RNASEL: variants seen among roughly 807,000 people sequenced by gnomAD.
RNASEL encodes the protein 2-5A-dependent ribonuclease.
In RNASEL, 36 loss-of-function variants were observed where a neutral mutation model predicts 50.9. The observed-to-expected ratio is 0.71, with a 90% CI of 0.54 to 0.93. The LOEUF (loss-of-function observed/expected upper bound fraction) is 0.93, where lower values mean the gene tolerates loss of function less well. Ranked by LOEUF, RNASEL falls within the 40% of genes least tolerant of loss-of-function variation. The pLI is 0.00. For synonymous variants in RNASEL, 335 were observed against 335.6 expected (o/e 1.00, Z 0.02); for missense variants, 860 against 894.5 (o/e 0.96, Z 0.49).
rs766504022 is a variant in RNASEL at position 182,581,316 on chromosome 1, A to G, written c.1814T>C (p.Ile605Thr). The change falls in exon 5 of 7, where the codon ATC becomes ACC. Residue 605 changes from isoleucine to threonine, a missense_variant. Ile to Thr is a moderately conservative substitution (Grantham distance 89). Coordinates refer to ENST00000367559, the MANE Select transcript of RNASEL (RefSeq NM_021133.4). The stretch of plus-strand genomic sequence containing the variant: ...CTCACTTTCAGATTTTCGTGTTTTG[A>G]TGTCGGATTCATTTCCCACATTCCG... ...TLRNVGNESD[I>T]KTRKSESEIL... 12 of 1,613,872 alleles carry G rather than the reference A, an allele frequency of 7.4e-6. No homozygotes were observed. Among genetic ancestry groups the G allele is most frequent in the Non-Finnish European group, 1.0e-5 (12 of 1,180,018 alleles).
rs142399625 is a variant in RNASEL, at chr1:182,588,920, C to G, written c.-165+247G>C. On this transcript the variant is annotated intron_variant, in intron 1 of 6. Transcript: ENST00000367559. The stretch of plus-strand genomic sequence containing the variant: ...AATCCTGCTTTCAATTTCACTTTCT[C>G]TGTGCGACCTGAGTAAGTCGCAAAG... 1.3e-4 allele frequency among the ~76,000 whole-genome samples: 20 copies of G among 152,322 alleles called. No individual in the cohort carries two copies. The East Asian group carries it at 3.9e-3, about 29-fold the overall frequency.
At chr1:182,588,471 A>G (rs1186915029) in intron 1 of RNASEL, among the ~76,000 whole-genome samples, 3 of 152,236 alleles carry the variant, frequency 2.0e-5, no homozygotes, top group Admixed American at 2.0e-4. Flanking sequence ...GCATATAGCT[A>G]CTACACGAAT....
intron 5 of RNASEL, chr1:182,578,460 A>T (rs1332453166): frequency 6.6e-6 from 1 of 152,364 alleles, no homozygotes; most frequent in East Asian, 1.9e-4. Flanking sequence ...ACTATTAAAA[A>T]GTCAAAAAGT....
chr1:182,585,133 G>A (rs1193418641), intron 2 of RNASEL, among the ~76,000 whole-genome samples, 194 bp downstream of exon 2: 1 of 152,224 alleles, frequency 6.6e-6, no homozygotes, highest in African/African-American at 2.4e-5. Flanking sequence ...CAACCTTCAT[G>A]TAGACTAACA....
intron 5 of RNASEL, chr1:182,579,490 A>T: frequency 9.3e-7 from 1 of 1,071,638 alleles, no homozygotes; most frequent in Non-Finnish European, 1.1e-6. Context: ...CTCTGTGCAG[A>T]ACACCCGTGA....
chr1:182,580,340 G>A (rs1319085848), intron 5 of RNASEL, among the ~76,000 whole-genome samples: 2 of 152,316 alleles, frequency 1.3e-5, no homozygotes, highest in Admixed American at 1.3e-4. Flanking sequence ...AGTGTGATGT[G>A]CAGTCTAGAG....
rs1661581493 is a variant in RNASEL, at chr1:182,585,742, G to A, written c.1065C>T (p.Arg355=). The change falls in exon 2 of 7, where the codon CGC becomes CGT. Residue 355 remains arginine, a synonymous_variant. Transcript: ENST00000367559. ...AGAACTTGAGTTTGCCAATCATAGGGCGGTATATTCTGTGGAGATCCTTCA... is the reference window on the plus strand; with the variant it reads ...AGAACTTGAGTTTGCCAATCATAGGACGGTATATTCTGTGGAGATCCTTCA... The part of the protein sequence containing the change: ...AALKDLHRIY[R]PMIGKLKFFI... The A allele has an allele frequency of 6.2e-7, 1 of 1,614,020 alleles. No homozygotes were observed. Among genetic ancestry groups the A allele is most frequent in the Non-Finnish European group, 8.5e-7 (1 of 1,180,026 alleles).
chr1:182,585,776 C>T lies in RNASEL; in HGVS notation c.1031G>A (p.Gly344Glu), dbSNP rs765668595. The change falls in exon 2 of 7, where the codon GGG becomes GAG. Residue 344 changes from glycine (G) to glutamate (E), a missense_variant. Transcript: ENST00000367559. ...TCTGTGGAGATCCTTCAGGGCTGCC[C>T]CCCAGTGTGAGCTCTGAGGCTTCCA... Reference protein sequence around the residue: ...EDWKPQSSHWGAALKDLHRIY... With the variant: ...EDWKPQSSHWEAALKDLHRIY... 3 of 1,614,044 alleles carry T rather than the reference C, an allele frequency of 1.9e-6. No homozygotes were observed. The highest frequency in any genetic ancestry group is 2.2e-5 in the South Asian group (2 of 91,082).
chr1:182,576,398 A>T lies in RNASEL; in HGVS notation c.1906-9T>A. The stretch of plus-strand genomic sequence containing the variant: ...ATAACACATTCATTAATCTAAAAAA[A>T]CAAAAAATAACACAAAAATGTGGTA... On this transcript the variant is annotated splice_polypyrimidine_tract_variant and intron_variant, in intron 5 of 6. Transcript: ENST00000367559. 1.3e-6 allele frequency: 2 copies of T among 1,544,898 alleles called. No individual in the cohort carries two copies. The highest frequency in any genetic ancestry group is 1.8e-6 in the Non-Finnish European group (2 of 1,122,718).
intron 3 of RNASEL, among the ~76,000 whole-genome samples, chr1:182,583,230 A>G (rs1423246934): frequency 6.6e-6 from 1 of 152,192 alleles, no homozygotes; most frequent in Non-Finnish European, 1.5e-5. Context: ...TAGTGGAGGA[A>G]GAGAGATTCA....
intron 5 of RNASEL, chr1:182,579,552 C>T (rs1443755853): frequency 8.8e-7 from 1 of 1,134,232 alleles, no homozygotes; most frequent in Non-Finnish European, 1.1e-6. Context: ...AGAACCAATA[C>T]AGTCATACAA....
chr1:182,579,963 C>T (rs1183291084), intron 5 of RNASEL: 11 of 457,142 alleles, frequency 2.4e-5, no homozygotes, highest in African/African-American at 4.0e-5. Flanking sequence ...CTTACTGGTT[C>T]TGTGTAGTTG....
intron 3 of RNASEL, 77 bp from the exon 4 acceptor site, chr1:182,582,335 T>C: frequency 6.5e-7 from 1 of 1,528,794 alleles, no homozygotes; most frequent in South Asian, 1.1e-5. Flanking sequence ...GTGCACGCTA[T>C]TAGCAAACAA....
chr1:182,584,636 A>T (rs1036499521), intron 2 of RNASEL, among the ~76,000 whole-genome samples: 2 of 152,166 alleles, frequency 1.3e-5, no homozygotes, highest in Non-Finnish European at 2.9e-5. Context: ...AGACCTCATA[A>T]CAAACTTACG....
chr1:182,576,488 T>G, intron 5 of RNASEL, 99 bp from the exon 6 acceptor site: 5 of 897,754 alleles, frequency 5.6e-6, no homozygotes, highest in Non-Finnish European at 8.6e-6. Context: ...TTGAATATAT[T>G]CATATATTCT....
At chr1:182,584,049 A>C in intron 3 of RNASEL, 32 bp downstream of exon 3, 1 of 1,515,840 alleles carries the variant, frequency 6.6e-7, no homozygotes, top group Non-Finnish European at 9.2e-7. Context: ...GGAAGCAGAA[A>C]GAAGAAAGGT....
In RNASEL at chr1:182,586,184, T is replaced by G; in HGVS notation, c.623A>C (p.His208Pro). 6.2e-7 allele frequency: 1 copy of G among 1,614,176 alleles called. No individual in the cohort carries two copies. The highest frequency in any genetic ancestry group is 8.5e-7 in the Non-Finnish European group (1 of 1,180,030). Residue 208 changes from histidine (H) to proline (P), a missense_variant, in exon 2 of 7, where the codon CAT becomes CCT. Transcript: ENST00000367559. ...ACTATCGTCAGAGCTCAGGAGAGCA[T>G]GGATCAAGGCATTTCTGCCCATATT... Reference protein sequence around the residue: ...CDNMGRNALIHALLSSDDSDV... With the variant: ...CDNMGRNALIPALLSSDDSDV...
chr1:182,585,699 T>G lies in RNASEL; in HGVS notation c.1108A>C (p.Lys370Gln). ...KLKFFIDEKY[K>Q]IADTSEGGIY... The stretch of plus-strand genomic sequence containing the variant: ...CCTCCTTCTGAAGTATCAGCAATTT[T>G]GTATTTTTCATCAATAAAGAACTTG... Residue 370 changes from lysine to glutamine, a missense_variant, in exon 2 of 7, where the codon AAA becomes CAA. By Grantham distance (53) the Lys-to-Gln change is moderately conservative. Coordinates refer to ENST00000367559, the MANE Select transcript of RNASEL (RefSeq NM_021133.4). 1.2e-6 allele frequency: 2 copies of G among 1,614,128 alleles called. No individual in the cohort carries two copies. Among genetic ancestry groups the G allele is most frequent in the Non-Finnish European group, 1.7e-6 (2 of 1,180,028 alleles).
In RNASEL at chr1:182,586,688, A is replaced by G. The variant is rs751155056; in HGVS notation, c.119T>C (p.Leu40Pro). ...TCCACCTTCCAGCAATTGCTGGACC[A>G]GGTCAACATCTTCGTTTTGAACAGC... is the stretch of plus-strand genomic sequence containing the variant. Reference protein sequence around the residue: ...IKAVQNEDVDLVQQLLEGGAN... With the variant: ...IKAVQNEDVDPVQQLLEGGAN... Residue 40 changes from leucine to proline, a missense_variant, in exon 2 of 7, where the codon CTG becomes CCG. Leu to Pro is a moderately conservative substitution (Grantham distance 98, BLOSUM62 -3). Coordinates refer to ENST00000367559, the MANE Select transcript of RNASEL (RefSeq NM_021133.4). 1 of 1,614,200 alleles carries G rather than the reference A, an allele frequency of 6.2e-7. No individual in the cohort carries two copies. Among genetic ancestry groups the G allele is most frequent in the Admixed American group, 1.7e-5 (1 of 60,022 alleles).
Sources: allele counts gnomAD v4.1 joint callset (sites outside exome capture counted in the v4.1 genomes callset), GRCh38; gene constraint gnomAD v4.1.1; transcripts MANE v1.5; gene names NCBI Gene and HGNC (gene_info 2026-07-23, HGNC 2026-07-21).